CCSER1: variants seen among roughly 807,000 people sequenced by gnomAD.
CCSER1 encodes the protein serine-rich coiled-coil domain-containing protein 1.
CCSER1 carries 41 observed loss-of-function variants against 82.0 expected under a neutral mutation model. The ratio of observed to expected loss-of-function variants is 0.50; its 90% CI spans 0.39 to 0.65. The LOEUF is 0.65. Ranked by LOEUF, CCSER1 falls within the 30% of genes least tolerant of loss-of-function variation. The pLI is 0.00. For synonymous variants in CCSER1, 414 were observed against 383.9 expected, an observed-to-expected ratio of 1.08 and a Z score of -0.92; for missense variants, 1,119 against 1,064.2, an observed-to-expected ratio of 1.05 and a Z score of -0.72.
chr4:91,390,122 T>G (rs1322070540), intron 10 of CCSER1, among the ~76,000 whole-genome samples: 1 of 151,994 alleles, frequency 6.6e-6, no homozygotes, highest in Non-Finnish European at 1.5e-5. Context: ...CTGAGAAAAT[T>G]TTGAGTTTCT....
At chr4:90,348,117 G>C (rs2153508660) in intron 3 of CCSER1, among the ~76,000 whole-genome samples, 1 of 152,246 alleles carries the variant, frequency 6.6e-6, no homozygotes, top group East Asian at 1.9e-4. Flanking sequence ...GCCTTTTGGA[G>C]GCTGGAGGGT....
intron 10 of CCSER1, among the ~76,000 whole-genome samples, chr4:91,158,566 C>T (rs142841323): frequency 0.011 from 1,646 of 151,954 alleles, 19 homozygotes; most frequent in African/African-American, 0.027. Flanking sequence ...AACTTTTCTA[C>T]GATATTCAAT....
chr4:90,355,794 T>TA (rs1407318114), intron 3 of CCSER1, among the ~76,000 whole-genome samples: 1 of 152,006 alleles, frequency 6.6e-6, no homozygotes, highest in Admixed American at 6.5e-5. Flanking sequence ...TATGATGGAA[T>TA]ATACAGACTT....
chr4:90,381,767 T>C (rs576684052), intron 3 of CCSER1, among the ~76,000 whole-genome samples: 1 of 152,120 alleles, frequency 6.6e-6, no homozygotes. Flanking sequence ...TACAGTAATA[T>C]GAATTTTAAC....
At chr4:91,557,498 C>A (rs1001320943) in intron 10 of CCSER1, among the ~76,000 whole-genome samples, 1 of 151,140 alleles carries the variant, frequency 6.6e-6, no homozygotes, top group African/African-American at 2.4e-5. Flanking sequence ...AGAATTGATA[C>A]ATAAATAAAT....
At chr4:91,251,874 C>T (rs146044681) in intron 10 of CCSER1, among the ~76,000 whole-genome samples, 137 of 152,028 alleles carry the variant, frequency 9.0e-4, no homozygotes, top group Middle Eastern at 3.4e-3. Flanking sequence ...CAGTTGCCAT[C>T]GAATCTGTGT....
chr4:90,866,390 C>G (rs886541930), intron 8 of CCSER1, among the ~76,000 whole-genome samples: 1 of 151,926 alleles, frequency 6.6e-6, no homozygotes, highest in African/African-American at 2.4e-5. Context: ...ATAGTCACTT[C>G]CCAGAACAGA....
chr4:91,039,847 G>A (rs1042954136), intron 9 of CCSER1, among the ~76,000 whole-genome samples: 15 of 151,986 alleles, frequency 9.9e-5, no homozygotes, highest in Admixed American at 7.9e-4. Flanking sequence ...AGTTATTAAA[G>A]GTGGAACTAC....
chr4:91,213,042 C>T (rs1736953824), intron 10 of CCSER1, among the ~76,000 whole-genome samples: 1 of 152,140 alleles, frequency 6.6e-6, no homozygotes. Flanking sequence ...CCTCCAGTTG[C>T]ATCCATGTTA....
chr4:91,225,107 GAAATA>G (rs1197684483), intron 10 of CCSER1, among the ~76,000 whole-genome samples: 1 of 146,940 alleles, frequency 6.8e-6, no homozygotes, highest in African/African-American at 2.5e-5. Flanking sequence ...TAGAATTCTT[GAAATA>G]AAATGTTACT....
At chr4:90,506,141 G>A (rs1461509408) in intron 5 of CCSER1, among the ~76,000 whole-genome samples, 1 of 152,148 alleles carries the variant, frequency 6.6e-6, no homozygotes, top group Non-Finnish European at 1.5e-5. Flanking sequence ...ACAAGAAGCA[G>A]AGTTTTAAAT....
intron 6 of CCSER1, among the ~76,000 whole-genome samples, chr4:90,641,028 G>A (rs1015444745): frequency 5.3e-5 from 8 of 152,042 alleles, no homozygotes; most frequent in South Asian, 2.1e-4. Flanking sequence ...TAATCTCTCC[G>A]TGGAAATCTG....
intron 5 of CCSER1, among the ~76,000 whole-genome samples, chr4:90,520,326 A>G (rs776296133): frequency 4.7e-4 from 71 of 152,074 alleles, no homozygotes; most frequent in Non-Finnish European, 7.7e-4. Flanking sequence ...AAGAAAATAG[A>G]TATTCTTTTT....
intron 9 of CCSER1, among the ~76,000 whole-genome samples, chr4:90,971,155 G>A (rs1397563289): frequency 1.3e-5 from 2 of 151,826 alleles, no homozygotes; most frequent in African/African-American, 4.8e-5. Flanking sequence ...AGACATACTT[G>A]AGACCGCATT....
intron 3 of CCSER1, among the ~76,000 whole-genome samples, chr4:90,345,340 T>C (rs1742137178): frequency 6.6e-6 from 1 of 152,104 alleles, no homozygotes; most frequent in African/African-American, 2.4e-5. Flanking sequence ...GGTTTATTAT[T>C]TTGGAATTGA....
intron 10 of CCSER1, among the ~76,000 whole-genome samples, chr4:91,271,031 G>T (rs925449383): frequency 1.3e-5 from 2 of 152,008 alleles, no homozygotes; most frequent in Admixed American, 6.6e-5. Context: ...AATATGTCTT[G>T]CATGAATAAG....
chr4:90,199,776 G>A (rs998868210), intron 1 of CCSER1, among the ~76,000 whole-genome samples: 8 of 152,064 alleles, frequency 5.3e-5, no homozygotes, highest in African/African-American at 1.9e-4. Context: ...TCACACTCAT[G>A]TATGGTAATT....
chr4:90,239,081 C>T (rs1746350195), intron 1 of CCSER1, among the ~76,000 whole-genome samples: 2 of 152,290 alleles, frequency 1.3e-5, no homozygotes, highest in South Asian at 4.1e-4. Context: ...GAACTCCTGA[C>T]CGCAGGTGAT....
At chr4:90,313,224 T>C in intron 3 of CCSER1, 177 bp downstream of exon 3, 2 of 594,790 alleles carry the variant, frequency 3.4e-6, no homozygotes. Context: ...TAGGTCAGGA[T>C]GGAGTTCACC....
Sources: gnomAD v4.1 joint callset for allele counts (sites outside exome capture counted in the v4.1 genomes callset) on GRCh38, gnomAD v4.1.1 for gene constraint, MANE v1.5 for transcripts, NCBI Gene and HGNC (gene_info 2026-07-23, HGNC 2026-07-21) for gene names.